The following ITPK1 variants were observed in gnomAD, a reference collection of about 807,000 sequenced individuals.
ITPK1 encodes the protein inositol 1,3,4-trisphosphate 5/6-kinase.
ITPK1 carries 21 observed loss-of-function variants against 45.3 expected under a neutral mutation model. The ratio of observed to expected loss-of-function variants is 0.46; its 90% CI spans 0.33 to 0.67. The LOEUF (loss-of-function observed/expected upper bound fraction) is 0.67, where lower values mean the gene tolerates loss of function less well. Ranked by LOEUF, ITPK1 falls within the 30% of genes least tolerant of loss-of-function variation. ITPK1 has a pLI of 0.02. For missense variants in ITPK1, 474 were observed against 573.5 expected, an observed-to-expected ratio of 0.83 and a Z score of 1.77; for synonymous variants, 258 against 253.6, an observed-to-expected ratio of 1.02 and a Z score of -0.16.
At chr14:92,993,409 C>T (rs574260216) in intron 5 of ITPK1, among the ~76,000 whole-genome samples, 12 of 152,150 alleles carry the variant, frequency 7.9e-5, no homozygotes, top group East Asian at 3.9e-4. Context: ...GGGGAGGCGC[C>T]GCAGTGAAGA....
chr14:92,962,901 G>A, intron 5 of ITPK1, 52 bp from the exon 6 acceptor site: 3 of 1,332,156 alleles, frequency 2.3e-6, no homozygotes, highest in Non-Finnish European at 3.2e-6. Flanking sequence ...GCCGCCCCAG[G>A]TGCACGTCCT....
In ITPK1 at chr14:92,951,961, T is replaced by C. The variant is rs139453298; in HGVS notation, c.723A>G (p.Ser241=). The part of the protein sequence containing the change: ...NSHNVSKPES[S]SVLTELDKIE... ...AGGGACCCACCTCCGTCAGGACCGA[T>C]GACGACTCCGGCTTTGACACGTTGT... Residue 241 remains serine (S), a synonymous_variant, in exon 9 of 11, where the codon TCA becomes TCG. Transcript: ENST00000267615. 3 of 1,579,436 alleles carry C rather than the reference T, an allele frequency of 1.9e-6. No individual in the cohort carries two copies. Among genetic ancestry groups the C allele is most frequent in the East Asian group, 4.6e-5 (2 of 43,568 alleles).
chr14:93,009,691 A>G (rs1395620607), intron 4 of ITPK1, among the ~76,000 whole-genome samples: 2 of 152,174 alleles, frequency 1.3e-5, no homozygotes, highest in Non-Finnish European at 2.9e-5. Flanking sequence ...AGAACAGGAC[A>G]TGATCTGTTT....
At chr14:93,071,761 T>C (rs1473265288) in intron 3 of ITPK1, 1 of 152,232 alleles carries the variant, frequency 6.6e-6, no homozygotes, top group East Asian at 1.9e-4. Flanking sequence ...GTTTATACTA[T>C]CACAGTGTAT....
At chr14:93,062,577 C>T (rs1252290413) in intron 3 of ITPK1, among the ~76,000 whole-genome samples, 2 of 152,036 alleles carry the variant, frequency 1.3e-5, no homozygotes, top group African/African-American at 4.8e-5. Flanking sequence ...CATTTTGTTC[C>T]CACAAGCTAC....
At chr14:92,999,043 C>T (rs911033106) in intron 4 of ITPK1, 5 of 152,144 alleles carry the variant, frequency 3.3e-5, no homozygotes, top group Admixed American at 3.3e-4. Context: ...TAAATGTGAC[C>T]CCAAAAGCAC....
chr14:92,974,115 C>T (rs1468996335), intron 5 of ITPK1, among the ~76,000 whole-genome samples: 2 of 152,174 alleles, frequency 1.3e-5, no homozygotes, highest in Non-Finnish European at 2.9e-5. Context: ...CTAACACCTC[C>T]GAACTGTCCC....
At chr14:92,953,812 A>G (rs550292940) in intron 8 of ITPK1, among the ~76,000 whole-genome samples, 1 of 152,240 alleles carries the variant, frequency 6.6e-6, no homozygotes, top group South Asian at 2.1e-4. Flanking sequence ...AGATCATGCA[A>G]CACAACAGTT....
rs1889314757 is a variant in ITPK1 at position 93,036,293 on chromosome 14, A to G, written c.121-19492T>C. 6.6e-6 allele frequency among the ~76,000 whole-genome samples: 1 copy of G among 152,178 alleles called. No individual in the cohort carries two copies. Among genetic ancestry groups the G allele is most frequent in the African/African-American group, 2.4e-5 (1 of 41,434 alleles). ...GGTCCACATGGTGCAGTGGACTGCAATGTCTAAAGGGCATCCGGTTGAGGC... is the reference window on the plus strand; with the variant it reads ...GGTCCACATGGTGCAGTGGACTGCAGTGTCTAAAGGGCATCCGGTTGAGGC... On this transcript the variant is annotated intron_variant, in intron 3 of 10. Coordinates refer to ENST00000267615, the MANE Select transcript of ITPK1 (RefSeq NM_014216.6). The surrounding 1 kb of genome is among the most constrained non-coding windows in gnomAD (Gnocchi z 4.1).
chr14:93,027,745 G>C (rs1420835978), intron 3 of ITPK1, among the ~76,000 whole-genome samples: 1 of 152,188 alleles, frequency 6.6e-6, no homozygotes, highest in Non-Finnish European at 1.5e-5. Flanking sequence ...GATTTCTGCT[G>C]CTGTCCAACT....
intron 10 of ITPK1, among the ~76,000 whole-genome samples, chr14:92,945,856 G>A (rs966095864): frequency 1.3e-5 from 2 of 152,166 alleles, no homozygotes; most frequent in African/African-American, 2.4e-5. Context: ...GCCTCTGCCC[G>A]GCGCTGCAGT....
intron 3 of ITPK1, among the ~76,000 whole-genome samples, chr14:93,035,276 G>C (rs1451198718): frequency 6.6e-6 from 1 of 152,228 alleles, no homozygotes; most frequent in African/African-American, 2.4e-5. Context: ...TTGGCAGTTG[G>C]GCCAGTGAGG....
chr14:93,090,698 G>A (rs1891833863), intron 2 of ITPK1, among the ~76,000 whole-genome samples: 2 of 152,186 alleles, frequency 1.3e-5, no homozygotes, highest in African/African-American at 4.8e-5. Flanking sequence ...GGGACAGGAG[G>A]AATGTCTGGG....
intron 2 of ITPK1, among the ~76,000 whole-genome samples, chr14:93,111,933 G>C (rs763050622): frequency 1.5e-4 from 23 of 152,146 alleles, no homozygotes; most frequent in Non-Finnish European, 3.1e-4. Context: ...CATCCTATCA[G>C]AGTGCACATC....
At position 92,993,767 on chromosome 14, in the gene ITPK1, C is replaced by T. The variant is rs1032123179; in HGVS notation, c.364+113G>A. On this transcript the variant is annotated intron_variant, in intron 5 of 10. Coordinates refer to ENST00000267615, the MANE Select transcript of ITPK1 (RefSeq NM_014216.6). ...ACCATGGAATTCAAATGCTTCCTGC[C>T]CCAAAGTGCTTAAAAAGACAAGACC... The T allele has an allele frequency of 5.7e-5, 40 of 701,364 alleles. No individual in the cohort carries two copies. The African/African-American group carries it at 6.8e-4, about 12-fold the overall frequency. The allele number at this position is 701,364 out of a possible 1,614,324, so 43.4% of individuals were successfully genotyped here.
chr14:93,050,662 C>T (rs1403876797), intron 3 of ITPK1, among the ~76,000 whole-genome samples: 1 of 152,046 alleles, frequency 6.6e-6, no homozygotes, highest in Non-Finnish European at 1.5e-5. Flanking sequence ...CAAATCCAAG[C>T]CCTGGATGTG....
intron 8 of ITPK1, among the ~76,000 whole-genome samples, chr14:92,954,754 T>C (rs202007029): frequency 4.4e-5 from 5 of 113,272 alleles, no homozygotes; most frequent in South Asian, 2.4e-4. Context: ...CTCTCTCTCT[T>C]GGGAGGCGAA....
chr14:92,953,756 A>T (rs1888069582), intron 8 of ITPK1, among the ~76,000 whole-genome samples: 1 of 152,326 alleles, frequency 6.6e-6, no homozygotes, highest in Admixed American at 6.5e-5. Context: ...AGGAAGGGCC[A>T]GAGCTGGGTA....
At chr14:93,103,971 G>A (rs948034390) in intron 2 of ITPK1, among the ~76,000 whole-genome samples, 25 of 152,208 alleles carry the variant, frequency 1.6e-4, no homozygotes, top group African/African-American at 6.0e-4. Context: ...AGATGTGTCA[G>A]AGGCCCCAGG....
Sources: allele counts gnomAD v4.1 joint callset (sites outside exome capture counted in the v4.1 genomes callset), GRCh38; gene constraint gnomAD v4.1.1; non-coding constraint Gnocchi (gnomAD v3.1); transcripts MANE v1.5; gene names NCBI Gene and HGNC (gene_info 2026-07-23, HGNC 2026-07-21).